UNC13C: variants seen among roughly 807,000 people sequenced by gnomAD.
UNC13C encodes the protein unc-13 homolog C.
In UNC13C, 174 loss-of-function variants were observed where a neutral mutation model predicts 245.4. The observed-to-expected ratio is 0.71, with a 90% confidence interval of 0.63 to 0.80. The LOEUF is 0.80. Ranked by LOEUF, UNC13C falls within the 30% of genes least tolerant of loss-of-function variation. The pLI is 0.00. For missense variants in UNC13C, 2,829 were observed against 2,602.9 expected, an observed-to-expected ratio of 1.09 and a Z score of -1.89; for synonymous variants, 992 against 895.1, an observed-to-expected ratio of 1.11 and a Z score of -1.93.
At chr15:54,153,791 T>C (rs2032627080) in intron 4 of UNC13C, among the ~76,000 whole-genome samples, 1 of 151,994 alleles carries the variant, frequency 6.6e-6, no homozygotes, top group African/African-American at 2.4e-5. Context: ...AAATATGGCC[T>C]AGATAAACTA....
At chr15:54,222,134 T>A (rs1243055598) in intron 4 of UNC13C, among the ~76,000 whole-genome samples, 1 of 152,082 alleles carries the variant, frequency 6.6e-6, no homozygotes, top group Non-Finnish European at 1.5e-5. Context: ...TAGTTATTTT[T>A]AAATGTACAA....
intron 19 of UNC13C, among the ~76,000 whole-genome samples, chr15:54,429,548 A>G (rs2040827564): frequency 1.3e-5 from 2 of 151,870 alleles, no homozygotes; most frequent in Admixed American, 6.6e-5. Flanking sequence ...CATTTCTTTA[A>G]TCAAATTCAT....
intron 28 of UNC13C, among the ~76,000 whole-genome samples, chr15:54,552,692 A>C (rs950145053): frequency 5.7e-5 from 5 of 87,576 alleles, no homozygotes; most frequent in Non-Finnish European, 9.7e-5. Flanking sequence ...TTATATAATT[A>C]TATATTATAT....
the UNC13C span, among the ~76,000 whole-genome samples, chr15:53,854,314 T>G: frequency 2.6e-5 from 4 of 151,536 alleles, no homozygotes; most frequent in Non-Finnish European, 5.9e-5. Flanking sequence ...AGAGACAGGG[T>G]TTCACCATGT....
intron 4 of UNC13C, among the ~76,000 whole-genome samples, chr15:54,200,001 A>G (rs1470261902): frequency 1.3e-5 from 2 of 152,178 alleles, no homozygotes; most frequent in African/African-American, 4.8e-5. Flanking sequence ...TATTCCATGC[A>G]AATGGACACC....
At position 54,015,454 on chromosome 15, in the gene UNC13C, G is replaced by C. The variant is rs755265425; in HGVS notation, c.2551G>C (p.Asp851His). The C allele has an allele frequency of 6.2e-7, 1 of 1,613,650 alleles. No individual in the cohort carries two copies. Among genetic ancestry groups the C allele is most frequent in the East Asian group, 2.2e-5 (1 of 44,864 alleles). Residue 851 changes from aspartate (D) to histidine (H), a missense_variant, in exon 2 of 33, where the codon GAT becomes CAT. By Grantham distance (81) the Asp-to-His change is moderately conservative (BLOSUM62 -1). Transcript: ENST00000260323. The stretch of plus-strand genomic sequence containing the variant: ...TGAGTCAAGTACCACACTTGACTCT[G>C]ATGTCTACACGGAGCCCTATTACTA... Reference protein sequence around the residue: ...ANESSTTLDSDVYTEPYYYKA... With the variant: ...ANESSTTLDSHVYTEPYYYKA...
intron 4 of UNC13C, among the ~76,000 whole-genome samples, chr15:54,215,503 A>T (rs541166322): frequency 6.6e-6 from 1 of 152,132 alleles, no homozygotes; most frequent in African/African-American, 2.4e-5. Context: ...ACCATGTTTC[A>T]AAGGAACAAA....
At chr15:53,895,295 C>A in the UNC13C span, among the ~76,000 whole-genome samples, 1 of 128,812 alleles carries the variant, frequency 7.8e-6, no homozygotes, top group Non-Finnish European at 1.6e-5. Flanking sequence ...ACCCAGGAGT[C>A]GGAGGTTGCC....
chr15:54,204,568 G>T (rs1266725130), intron 4 of UNC13C, among the ~76,000 whole-genome samples: 1 of 151,992 alleles, frequency 6.6e-6, no homozygotes, highest in Non-Finnish European at 1.5e-5. Flanking sequence ...CGTTTAATGT[G>T]ATTACAATTA....
intron 30 of UNC13C, among the ~76,000 whole-genome samples, chr15:54,583,077 G>A (rs1017683073): frequency 6.6e-6 from 1 of 151,970 alleles, no homozygotes; most frequent in East Asian, 1.9e-4. Flanking sequence ...TTTATAATAA[G>A]CTCTCAGGCA....
At chr15:53,850,990 T>C in the UNC13C span, among the ~76,000 whole-genome samples, 1 of 152,066 alleles carries the variant, frequency 6.6e-6, no homozygotes, top group Non-Finnish European at 1.5e-5. Context: ...GTGATGTTTT[T>C]ATTTCAGAAA....
chr15:53,885,521 A>G, the UNC13C span, among the ~76,000 whole-genome samples: 16 of 152,308 alleles, frequency 1.1e-4, no homozygotes, highest in East Asian at 1.7e-3. Flanking sequence ...CTTGTGTCCA[A>G]TCACATTTCT....
chr15:54,204,195 G>A (rs1195410609), intron 4 of UNC13C, among the ~76,000 whole-genome samples: 4 of 150,884 alleles, frequency 2.7e-5, no homozygotes, highest in Admixed American at 6.6e-5. Context: ...TACAGTGTAC[G>A]CTGCTTGGGT....
intron 26 of UNC13C, among the ~76,000 whole-genome samples, chr15:54,541,216 A>G (rs1896227936): frequency 6.6e-6 from 1 of 152,070 alleles, no homozygotes; most frequent in Non-Finnish European, 1.5e-5. Context: ...ATGTGTCTTG[A>G]AAATCTCTGT....
chr15:54,321,474 C>G, intron 13 of UNC13C: 1 of 485,768 alleles, frequency 2.1e-6, no homozygotes, highest in East Asian at 5.6e-5. Flanking sequence ...ATGGCTACAT[C>G]CACCTCCTCC....
At chr15:53,961,061 G>A in the UNC13C span, among the ~76,000 whole-genome samples, 1 of 152,324 alleles carries the variant, frequency 6.6e-6, no homozygotes, top group Non-Finnish European at 1.5e-5. Context: ...CAACTTTTGA[G>A]CAACTGCCTA....
At position 54,322,105 on chromosome 15, in the gene UNC13C, AT is replaced by A. The variant is rs1328586967; in HGVS notation, c.4425+16del. 6.5e-7 allele frequency: 1 copy of A among 1,543,106 alleles called. No homozygotes were observed. The highest frequency in any genetic ancestry group is 8.7e-7 in the Non-Finnish European group (1 of 1,146,620). ...TGCTACCAACTTTGGTGTAAGTATA[AT>A]TTTTTAAACTTTAAAATTCCTAGCA... On this transcript the variant is annotated intron_variant, in intron 14 of 32. Coordinates refer to ENST00000260323, the MANE Select transcript of UNC13C (RefSeq NM_001080534.3).
At chr15:53,922,769 G>A in the UNC13C span, among the ~76,000 whole-genome samples, 5 of 152,148 alleles carry the variant, frequency 3.3e-5, no homozygotes, top group Non-Finnish European at 7.4e-5. Flanking sequence ...ACTTTTATTT[G>A]CAGTATTTTT....
At chr15:54,166,399 TTTA>T (rs1356731918) in intron 4 of UNC13C, among the ~76,000 whole-genome samples, 4 of 152,088 alleles carry the variant, frequency 2.6e-5, no homozygotes, top group Admixed American at 6.5e-5. Flanking sequence ...TTTTAACATT[TTTA>T]TTATTATGTA....
Sources: gnomAD v4.1 joint callset for allele counts (sites outside exome capture counted in the v4.1 genomes callset) on GRCh38, gnomAD v4.1.1 for gene constraint, MANE v1.5 for transcripts, NCBI Gene and HGNC (gene_info 2026-07-23, HGNC 2026-07-21) for gene names.